NOS1AP: variants seen among roughly 807,000 people sequenced by gnomAD.
NOS1AP encodes the protein carboxyl-terminal PDZ ligand of neuronal nitric oxide synthase protein.
A neutral mutation model predicts 56.2 loss-of-function variants in NOS1AP; 21 were observed. The ratio of observed to expected loss-of-function variants is 0.37; its 90% CI spans 0.26 to 0.54. NOS1AP has a LOEUF of 0.54. Among genes scored for constraint, NOS1AP ranks in the 20% least tolerant of loss-of-function variants. The pLI, the probability that NOS1AP is intolerant of heterozygous loss-of-function variation, is 0.84. For missense variants in NOS1AP, 522 were observed against 657.8 expected, an observed-to-expected ratio of 0.79 and a Z score of 2.26; for synonymous variants, 270 against 274.6, an observed-to-expected ratio of 0.98 and a Z score of 0.17.
At chr1:162,156,842 G>A (rs1557809022) in intron 2 of NOS1AP, among the ~76,000 whole-genome samples, 1 of 152,060 alleles carries the variant, frequency 6.6e-6, no homozygotes, top group Non-Finnish European at 1.5e-5. Flanking sequence ...TAGAACCTTG[G>A]GTGGGTTAAA....
chr1:162,137,196 C>T (rs1273565031), intron 1 of NOS1AP, among the ~76,000 whole-genome samples: 2 of 152,180 alleles, frequency 1.3e-5, no homozygotes, highest in East Asian at 3.8e-4. Context: ...ACTCAGCCTC[C>T]TGCAAAAATG....
At chr1:162,333,998 G>C (rs1656859712) in intron 5 of NOS1AP, among the ~76,000 whole-genome samples, 1 of 152,132 alleles carries the variant, frequency 6.6e-6, no homozygotes, top group Admixed American at 6.5e-5. Context: ...AAGGACCCTA[G>C]TAAGTCCATC....
intron 2 of NOS1AP, among the ~76,000 whole-genome samples, chr1:162,190,526 T>C (rs762232851): frequency 1.3e-5 from 2 of 152,208 alleles, no homozygotes; most frequent in Admixed American, 6.5e-5. Flanking sequence ...TATATAATGA[T>C]ATCTTAATAC....
chr1:162,292,762 TG>T (rs1297029469), intron 3 of NOS1AP, among the ~76,000 whole-genome samples: 1 of 152,232 alleles, frequency 6.6e-6, no homozygotes, highest in Non-Finnish European at 1.5e-5. Context: ...ACTATGTTCC[TG>T]CCCAAACAGT....
intron 2 of NOS1AP, among the ~76,000 whole-genome samples, chr1:162,277,557 T>C (rs1047300954): frequency 3.3e-5 from 5 of 152,206 alleles, no homozygotes; most frequent in African/African-American, 7.2e-5. Context: ...CCCTTATCTC[T>C]TGCTCATCAT....
At chr1:162,126,060 TC>T (rs1254186630) in intron 1 of NOS1AP, among the ~76,000 whole-genome samples, 2 of 152,206 alleles carry the variant, frequency 1.3e-5, no homozygotes, top group Non-Finnish European at 2.9e-5. Context: ...GGAATTGAGT[TC>T]TTGATTTGAT....
chr1:162,221,064 C>T (rs1485804800), intron 2 of NOS1AP, among the ~76,000 whole-genome samples: 1 of 152,202 alleles, frequency 6.6e-6, no homozygotes, highest in East Asian at 1.9e-4. Flanking sequence ...GCCTCAGCCT[C>T]CTGAGTAGCT....
At chr1:162,116,075 CCTTTA>C (rs1407621130) in intron 1 of NOS1AP, among the ~76,000 whole-genome samples, 9 of 152,250 alleles carry the variant, frequency 5.9e-5, no homozygotes, top group African/African-American at 2.2e-4. Flanking sequence ...GTGTCATCCT[CCTTTA>C]CTTAGGAATA....
intron 2 of NOS1AP, among the ~76,000 whole-genome samples, chr1:162,212,524 A>G (rs1652384627): frequency 6.6e-6 from 1 of 151,306 alleles, no homozygotes; most frequent in Admixed American, 6.6e-5. Flanking sequence ...AAATATGTAA[A>G]CTCTGCCCCC....
intron 6 of NOS1AP, among the ~76,000 whole-genome samples, chr1:162,352,147 C>A (rs947052577): frequency 6.6e-6 from 1 of 152,240 alleles, no homozygotes; most frequent in Admixed American, 6.5e-5. Flanking sequence ...GCAACCTCCG[C>A]CTCCTGGGTT....
chr1:162,210,648 A>G (rs1210302563), intron 2 of NOS1AP, among the ~76,000 whole-genome samples: 1 of 151,904 alleles, frequency 6.6e-6, no homozygotes, highest in Non-Finnish European at 1.5e-5. Flanking sequence ...ACTTGTAATT[A>G]CCTCCAGATA....
intron 1 of NOS1AP, among the ~76,000 whole-genome samples, chr1:162,090,978 A>G (rs1208544966): frequency 6.6e-6 from 1 of 152,130 alleles, no homozygotes; most frequent in African/African-American, 2.4e-5. Flanking sequence ...ATTTTTATGT[A>G]AACTTAGTTT....
At chr1:162,353,443 C>T (rs1657589728) in intron 6 of NOS1AP, among the ~76,000 whole-genome samples, 1 of 152,194 alleles carries the variant, frequency 6.6e-6, no homozygotes, top group Non-Finnish European at 1.5e-5. Flanking sequence ...CCCTCTGTGT[C>T]TGGGGCTTCT....
At chr1:162,338,934 C>T (rs1273049713) in intron 5 of NOS1AP, among the ~76,000 whole-genome samples, 1 of 152,216 alleles carries the variant, frequency 6.6e-6, no homozygotes, top group Non-Finnish European at 1.5e-5. Flanking sequence ...TTGATACCCA[C>T]ATTAGGTGTG....
intron 2 of NOS1AP, among the ~76,000 whole-genome samples, chr1:162,182,018 A>C (rs1007157867): frequency 2.0e-5 from 3 of 152,130 alleles, no homozygotes; most frequent in Admixed American, 2.0e-4. Context: ...TTCTATTTAC[A>C]TTGTTATTTT....
At chr1:162,138,903 T>C (rs1016288642) in intron 1 of NOS1AP, among the ~76,000 whole-genome samples, 1 of 152,176 alleles carries the variant, frequency 6.6e-6, no homozygotes, top group African/African-American at 2.4e-5. Context: ...ATTCCTGGGA[T>C]GTGGGACTTT....
chr1:162,180,677 A>G (rs889592591), intron 2 of NOS1AP, among the ~76,000 whole-genome samples: 5 of 152,190 alleles, frequency 3.3e-5, no homozygotes, highest in African/African-American at 1.2e-4. Flanking sequence ...GCCAGCAAGA[A>G]AGTGGAGCCT....
At chr1:162,145,597 AGGACGCTCAGCT>A (rs1558121207) in intron 1 of NOS1AP, among the ~76,000 whole-genome samples, 1 of 152,182 alleles carries the variant, frequency 6.6e-6, no homozygotes, top group Non-Finnish European at 1.5e-5. Flanking sequence ...CCCGCTCAGC[AGGACGCTCAGCT>A]GTGCACAAGA....
intron 1 of NOS1AP, among the ~76,000 whole-genome samples, chr1:162,150,022 A>G (rs536153578): frequency 1.6e-4 from 24 of 152,296 alleles, no homozygotes; most frequent in African/African-American, 5.8e-4. Flanking sequence ...TAAATGTACA[A>G]TAAGTTATTG....
Sources: gnomAD v4.1 joint callset for allele counts (sites outside exome capture counted in the v4.1 genomes callset) on GRCh38, gnomAD v4.1.1 for gene constraint, MANE v1.5 for transcripts, NCBI Gene and HGNC (gene_info 2026-07-23, HGNC 2026-07-21) for gene names.